Variants in CLASP1 observed in about 807,000 individuals in gnomAD.
The protein encoded by CLASP1 is cytoplasmic linker associated protein 1, also known as CLIP-associating protein 1.
A neutral mutation model predicts 192.3 loss-of-function variants in CLASP1; 38 were observed. The observed-to-expected ratio is 0.20, with a 90% CI of 0.15 to 0.26. CLASP1 has a LOEUF of 0.26. Among genes scored for constraint, CLASP1 ranks in the 10% least tolerant of loss-of-function variants. The pLI, the probability that CLASP1 is intolerant of heterozygous loss-of-function variation, is 1.00. For missense variants in CLASP1, 1,433 were observed against 1,932.5 expected, an observed-to-expected ratio of 0.74 and a Z score of 4.85; for synonymous variants, 691 against 712.8, an observed-to-expected ratio of 0.97 and a Z score of 0.49.
intron 34 of CLASP1, among the ~76,000 whole-genome samples, chr2:121,371,735 A>G (rs1264556353): frequency 6.6e-6 from 1 of 152,002 alleles, no homozygotes; most frequent in African/African-American, 2.4e-5. Context: ...CCTAGCTAAG[A>G]CCAGTCATTC....
chr2:121,462,601 T>C (rs958415169), exon 10 of CLASP1: 3 of 1,598,032 alleles, frequency 1.9e-6, no homozygotes, highest in African/African-American at 1.3e-5. Context: ...CTCCTTCTTT[T>C]GCAGCTGTAA....
chr2:121,544,439 C>CAA lies in CLASP1; in HGVS notation c.196-14116_196-14115dup, dbSNP rs11293204. Among the ~76,000 whole-genome samples the CAA allele has an allele frequency of 1.3e-3, 104 of 80,706 alleles. 1 individual carries two copies. Among genetic ancestry groups the CAA allele is most frequent in the African/African-American group, 3.1e-3 (88 of 28,622 alleles). 52.9% of individuals were successfully genotyped at this position (80,706 alleles called of 152,430 possible). A position where few individuals can be genotyped will look rare whatever the true frequency, so the allele number is the denominator to read the frequency against. On this transcript the variant is annotated intron_variant, in intron 2 of 39. Transcript: ENST00000263710. ...TTTTACTACTTTCAAAAAATATATACAAAAAAAAAAAAAAAAAGCTATTAC... is the reference window on the plus strand; with the variant it reads ...TTTTACTACTTTCAAAAAATATATACAAAAAAAAAAAAAAAAAAAGCTATTAC...
intron 19 of CLASP1, among the ~76,000 whole-genome samples, chr2:121,444,738 G>A (rs1009356585): frequency 2.0e-5 from 3 of 152,094 alleles, no homozygotes; most frequent in African/African-American, 7.2e-5. Flanking sequence ...AACAAAGACT[G>A]AACAAGAAAG....
At chr2:121,404,265 T>C in intron 26 of CLASP1, 106 bp downstream of exon 27, 1 of 1,510,516 alleles carries the variant, frequency 6.6e-7, no homozygotes, top group South Asian at 1.3e-5. Context: ...CTCTGTAAGG[T>C]CGGAACTGCA....
At chr2:121,605,749 T>C (rs367917096) in exon 2 of CLASP1, 3 of 1,613,866 alleles carry the variant, frequency 1.9e-6, no homozygotes, top group African/African-American at 2.7e-5. Flanking sequence ...CATCCACAAG[T>C]TTATCTAACA....
At chr2:121,549,440 G>T (rs1023515483) in intron 2 of CLASP1, among the ~76,000 whole-genome samples, 1 of 152,018 alleles carries the variant, frequency 6.6e-6, no homozygotes, top group Non-Finnish European at 1.5e-5. Context: ...GATTCATAAA[G>T]AAAGTTCTTA....
At chr2:121,377,086 T>C (rs1229079261) in intron 34 of CLASP1, among the ~76,000 whole-genome samples, 1 of 152,216 alleles carries the variant, frequency 6.6e-6, no homozygotes, top group Non-Finnish European at 1.5e-5. Flanking sequence ...GCCTGGTCTG[T>C]GGAAAAACTA....
chr2:121,608,976 T>C (rs1559757296), intron 1 of CLASP1, among the ~76,000 whole-genome samples: 1 of 152,226 alleles, frequency 6.6e-6, no homozygotes, highest in African/African-American at 2.4e-5. Flanking sequence ...TTCAACTCTA[T>C]AAAGTAGGTG....
chr2:121,350,095 A>C (rs538804950), intron 37 of CLASP1, among the ~76,000 whole-genome samples: 2 of 152,270 alleles, frequency 1.3e-5, no homozygotes, highest in African/African-American at 4.8e-5. Flanking sequence ...ATTTTCTTAC[A>C]AAGTACAACA....
intron 37 of CLASP1, among the ~76,000 whole-genome samples, chr2:121,359,180 G>C (rs1271960357): frequency 6.6e-6 from 1 of 152,182 alleles, no homozygotes; most frequent in African/African-American, 2.4e-5. Flanking sequence ...CTGAGAAATG[G>C]GCACTTTTGA....
intron 2 of CLASP1, among the ~76,000 whole-genome samples, chr2:121,576,976 C>T (rs1171073593): frequency 6.6e-6 from 1 of 152,140 alleles, no homozygotes; most frequent in African/African-American, 2.4e-5. Flanking sequence ...AAGGGACTGG[C>T]GGTAATTTTG....
At chr2:121,542,827 C>G (rs1016452347) in intron 2 of CLASP1, among the ~76,000 whole-genome samples, 6 of 152,120 alleles carry the variant, frequency 3.9e-5, no homozygotes, top group Admixed American at 6.5e-5. Flanking sequence ...ATCATCACAC[C>G]ATCAAACCAC....
intron 8 of CLASP1, among the ~76,000 whole-genome samples, chr2:121,490,884 G>A (rs1236964741): frequency 6.6e-6 from 1 of 152,236 alleles, no homozygotes; most frequent in Non-Finnish European, 1.5e-5. Flanking sequence ...CTGGGAGAGA[G>A]TGTGAACCTA....
At chr2:121,627,922 T>C (rs756787094) in intron 1 of CLASP1, among the ~76,000 whole-genome samples, 7 of 152,208 alleles carry the variant, frequency 4.6e-5, no homozygotes, top group African/African-American at 7.2e-5. Flanking sequence ...CAATTTCATA[T>C]ACTATCAAAT....
intron 2 of CLASP1, among the ~76,000 whole-genome samples, chr2:121,570,983 T>C (rs1278834781): frequency 2.0e-5 from 3 of 151,880 alleles, no homozygotes; most frequent in Non-Finnish European, 4.4e-5. Context: ...TACAGAACCA[T>C]GGCTACAAAT....
chr2:121,522,503 T>C (rs933007089), intron 6 of CLASP1, among the ~76,000 whole-genome samples: 9 of 152,248 alleles, frequency 5.9e-5, no homozygotes, highest in East Asian at 3.8e-4. Flanking sequence ...TGAAACATTT[T>C]AGACAAGTCT....
chr2:121,533,663 T>C (rs1041745123), intron 2 of CLASP1, among the ~76,000 whole-genome samples: 1 of 152,250 alleles, frequency 6.6e-6, no homozygotes, highest in African/African-American at 2.4e-5. Flanking sequence ...TCAAAATCTT[T>C]AAATTTGTTG....
chr2:121,478,752 CACACACACA>C (rs1559366622), intron 8 of CLASP1, among the ~76,000 whole-genome samples: 1 of 48,850 alleles, frequency 2.0e-5, no homozygotes, highest in Non-Finnish European at 4.0e-5. Context: ...CCACACACAC[CACACACACA>C]CCACACACCC....
intron 2 of CLASP1, among the ~76,000 whole-genome samples, chr2:121,592,647 T>G (rs375715749): frequency 1.5e-3 from 223 of 146,940 alleles, no homozygotes; most frequent in African/African-American, 4.4e-3. Context: ...TTAATAACTG[T>G]TTTTTTTTGT....
Sources: gnomAD v4.1 joint callset for allele counts (sites outside exome capture counted in the v4.1 genomes callset) on GRCh38, gnomAD v4.1.1 for gene constraint, MANE v1.5 for transcripts, NCBI Gene and HGNC (gene_info 2026-07-23, HGNC 2026-07-21) for gene names.